Variants in FBXO25 observed in about 807,000 individuals in gnomAD.
FBXO25 encodes F-box only protein 25.
FBXO25 carries 45 observed loss-of-function variants against 51.9 expected under a neutral mutation model. The observed-to-expected ratio is 0.87, with a 90% CI of 0.68 to 1.11. The LOEUF (loss-of-function observed/expected upper bound fraction) is 1.11. Ranked by LOEUF, FBXO25 falls within the 50% of genes most tolerant of loss-of-function variation. FBXO25 has a pLI of 0.00. For missense variants in FBXO25, 507 were observed against 428.5 expected (o/e 1.18, Z -1.62); for synonymous variants, 199 against 151.0 (o/e 1.32, Z -2.33).
At position 474,787 on chromosome 8, in the gene FBXO25, G is replaced by A. The variant is rs918957134; in HGVS notation, c.*5983G>A. The A allele has an allele frequency of 3.3e-5, 15 of 455,390 alleles. No homozygotes were observed. The highest frequency in any genetic ancestry group is 4.0e-5 in the Non-Finnish European group (9 of 226,594). 28.2% of individuals were successfully genotyped at this position (455,390 alleles called of 1,614,324 possible). ...ATTTTAAAATACTTTGTCCCATTCC[G>A]TGGATTGCCTTTCACTCTGTTTTGT... is the stretch of plus-strand genomic sequence containing the variant. On this transcript the variant is annotated 3_prime_UTR_variant, in exon 10 of 10. Transcript: ENST00000350302.
intron 7 of FBXO25, among the ~76,000 whole-genome samples, chr8:453,009 C>G (rs770225353): frequency 6.6e-6 from 1 of 152,156 alleles, no homozygotes; most frequent in Non-Finnish European, 1.5e-5. Context: ...CAGTGCTGAC[C>G]ATAGCCAGTG....
chr8:418,669 C>T (rs939419561), intron 2 of FBXO25, among the ~76,000 whole-genome samples: 1 of 152,058 alleles, frequency 6.6e-6, no homozygotes, highest in Non-Finnish European at 1.5e-5. Context: ...AGAGCTCTTT[C>T]AAAAGAAATT....
At chr8:418,967 A>G (rs183158430) in intron 2 of FBXO25, among the ~76,000 whole-genome samples, 2 of 152,322 alleles carry the variant, frequency 1.3e-5, no homozygotes, top group South Asian at 2.1e-4. Context: ...TTCACAATGT[A>G]AAGTAGGCAG....
chr8:474,009 C>G lies in FBXO25; in HGVS notation c.*5205C>G, dbSNP rs1800566663. ...TTTAGTGGCATTAAATACATTCATA[C>G]TGTGCAACCTTCTCTACCACGTATC... is the stretch of plus-strand genomic sequence containing the variant. On this transcript the variant is annotated 3_prime_UTR_variant, in exon 10 of 10. Coordinates refer to ENST00000350302, the MANE Select transcript of FBXO25 (RefSeq NM_183420.2). The G allele has an allele frequency of 6.6e-6, 1 of 152,182 alleles. No homozygotes were observed. The highest frequency in any genetic ancestry group is 2.4e-5 in the African/African-American group (1 of 41,448). 9.4% of individuals were successfully genotyped at this position (152,182 alleles called of 1,614,324 possible). A position where few individuals can be genotyped will look rare whatever the true frequency, so the allele number is the denominator to read the frequency against.
chr8:422,028 T>C (rs1217075725), intron 2 of FBXO25, among the ~76,000 whole-genome samples: 1 of 152,078 alleles, frequency 6.6e-6, no homozygotes, highest in Non-Finnish European at 1.5e-5. Flanking sequence ...TTAATAAATA[T>C]AGAAGGAATA....
rs547242028 is a variant in FBXO25 at position 407,249 on chromosome 8, G to A, written c.-8+183G>A. On this transcript the variant is annotated intron_variant, in intron 1 of 9. Coordinates refer to ENST00000350302, the MANE Select transcript of FBXO25 (RefSeq NM_183420.2). ...GGTCGCGAGCGCGTCAGGTGGGGAC[G>A]GGGCCTGTGGGAGGGTCAGGTGGGG... 1.5e-4 allele frequency: 94 copies of A among 623,176 alleles called. No homozygotes were observed. The African/African-American group carries it at 1.9e-3, about 12-fold the overall frequency. 38.6% of individuals were successfully genotyped at this position (623,176 alleles called of 1,614,324 possible). A position where few individuals can be genotyped will look rare whatever the true frequency, so the allele number is the denominator to read the frequency against.
chr8:433,590 A>C (rs939073826), intron 4 of FBXO25, among the ~76,000 whole-genome samples: 2 of 152,224 alleles, frequency 1.3e-5, no homozygotes, highest in African/African-American at 4.8e-5. Flanking sequence ...TTCATGAGCC[A>C]TAAAACAAAC....
At chr8:464,623 T>C (rs1800035757) in intron 9 of FBXO25, among the ~76,000 whole-genome samples, 1 of 152,252 alleles carries the variant, frequency 6.6e-6, no homozygotes, top group Non-Finnish European at 1.5e-5. Context: ...TACGGCAAAC[T>C]CTAGGTTGTC....
chr8:409,728 T>C (rs1352941755), intron 1 of FBXO25, among the ~76,000 whole-genome samples: 1 of 151,892 alleles, frequency 6.6e-6, no homozygotes, highest in Non-Finnish European at 1.5e-5. Context: ...TGGCAAGATA[T>C]TTGTTGCCTA....
intron 4 of FBXO25, chr8:435,414 T>C: frequency 1.7e-6 from 1 of 577,104 alleles, no homozygotes; most frequent in Non-Finnish European, 3.0e-6. Flanking sequence ...CAGTTAACGG[T>C]GTCTCAGGTA....
chr8:430,570 G>C (rs538869763), intron 2 of FBXO25, among the ~76,000 whole-genome samples: 12 of 152,118 alleles, frequency 7.9e-5, no homozygotes, highest in Non-Finnish European at 1.6e-4. Flanking sequence ...ACTCTCACAT[G>C]CCTCCACCAA....
chr8:450,113 T>C, intron 6 of FBXO25, 30 bp downstream of exon 6: 3 of 1,494,422 alleles, frequency 2.0e-6, no homozygotes, highest in African/African-American at 1.4e-5. Context: ...TTTAATACTC[T>C]AAATCTTAAT....
At chr8:441,044 A>G (rs1460285497) in intron 5 of FBXO25, among the ~76,000 whole-genome samples, 1 of 148,064 alleles carries the variant, frequency 6.8e-6, no homozygotes, top group East Asian at 2.0e-4. Flanking sequence ...GCTGCAATAA[A>G]CATACGTGTG....
chr8:476,073 C>T lies in FBXO25; in HGVS notation c.*7269C>T, dbSNP rs1369228033. 6.6e-6 allele frequency: 1 copy of T among 152,138 alleles called. No individual in the cohort carries two copies. Among genetic ancestry groups the T allele is most frequent in the African/African-American group, 2.4e-5 (1 of 41,438 alleles). The allele number at this position is 152,138 out of a possible 1,614,324, so 9.4% of individuals were successfully genotyped here. A position where few individuals can be genotyped will look rare whatever the true frequency, so the allele number is the denominator to read the frequency against. On this transcript the variant is annotated 3_prime_UTR_variant, in exon 10 of 10. Transcript: ENST00000350302. ...CTATTCCCAATTGTTGAGTTTTTAT[C>T]ATGAAAGGGCATGACATTGTCTCAA...
intron 7 of FBXO25, among the ~76,000 whole-genome samples, chr8:452,049 A>G (rs776172772): frequency 6.6e-6 from 1 of 152,336 alleles, no homozygotes; most frequent in Admixed American, 6.5e-5. Flanking sequence ...CCGAAGATAT[A>G]TCTTAGCGGT....
At chr8:409,346 A>G (rs1584990042) in intron 1 of FBXO25, among the ~76,000 whole-genome samples, 1 of 152,222 alleles carries the variant, frequency 6.6e-6, no homozygotes, top group East Asian at 1.9e-4. Flanking sequence ...TGTGTTGAAA[A>G]TAAGCCTTTG....
chr8:424,742 A>G (rs540284466), intron 2 of FBXO25, among the ~76,000 whole-genome samples: 61 of 152,284 alleles, frequency 4.0e-4, no homozygotes, highest in African/African-American at 1.5e-3. Context: ...GTACCAGTAC[A>G]GAAGCTGTTT....
intron 5 of FBXO25, among the ~76,000 whole-genome samples, chr8:437,549 C>G (rs1282664755): frequency 6.6e-6 from 1 of 152,188 alleles, no homozygotes; most frequent in Admixed American, 6.5e-5. Flanking sequence ...GCAAAGTTAC[C>G]TCTAAAAAGT....
At chr8:445,394 C>G (rs1258704391) in intron 5 of FBXO25, among the ~76,000 whole-genome samples, 2 of 152,184 alleles carry the variant, frequency 1.3e-5, no homozygotes, top group Non-Finnish European at 2.9e-5. Flanking sequence ...ATTTCTTCCC[C>G]TAGTGGAGCA....
Sources: gnomAD v4.1 joint callset for allele counts (sites outside exome capture counted in the v4.1 genomes callset) on GRCh38, gnomAD v4.1.1 for gene constraint, MANE v1.5 for transcripts, NCBI Gene and HGNC (gene_info 2026-07-23, HGNC 2026-07-21) for gene names.